Variants in ARHGAP22 observed in about 807,000 individuals in gnomAD.
ARHGAP22 encodes the protein Rho GTPase activating protein 22.
Under a neutral mutation model 59.1 loss-of-function variants are expected in ARHGAP22, and 48 were observed. That is an observed-to-expected ratio of 0.81 (90% CI 0.64 to 1.03). The LOEUF (loss-of-function observed/expected upper bound fraction) is 1.03. ARHGAP22 is among the 50% of genes least tolerant of loss of function. The probability of loss-of-function intolerance (pLI) is 0.00; values close to 1 mark genes in which losing one functional copy is unlikely to be tolerated. For missense variants in ARHGAP22, 1,015 were observed against 958.7 expected (o/e 1.06, Z -0.78); for synonymous variants, 445 against 416.4 (o/e 1.07, Z -0.84).
At chr10:48,646,651 A>G (rs1023045495) in intron 1 of ARHGAP22, among the ~76,000 whole-genome samples, 1 of 152,220 alleles carries the variant, frequency 6.6e-6, no homozygotes, top group Non-Finnish European at 1.5e-5. Flanking sequence ...CAGCAACAAC[A>G]ACAACAACAA....
At chr10:48,558,331 C>T (rs1029173345) in intron 2 of ARHGAP22, among the ~76,000 whole-genome samples, 6 of 118,226 alleles carry the variant, frequency 5.1e-5, no homozygotes, top group African/African-American at 1.2e-4. Context: ...TAGATTTTTG[C>T]GATTTAATGT....
At chr10:48,452,028 C>A (rs1271226447) in intron 8 of ARHGAP22, among the ~76,000 whole-genome samples, 1 of 152,056 alleles carries the variant, frequency 6.6e-6, no homozygotes, top group Non-Finnish European at 1.5e-5. Context: ...CAACTGCACA[C>A]ATAGTGCACC....
intron 1 of ARHGAP22, among the ~76,000 whole-genome samples, chr10:48,646,395 A>C (rs563823430): frequency 1.3e-5 from 2 of 152,352 alleles, no homozygotes; most frequent in African/African-American, 4.8e-5. Flanking sequence ...ATAATTTTGT[A>C]AAAGAATAAA....
intron 2 of ARHGAP22, among the ~76,000 whole-genome samples, chr10:48,558,393 T>G (rs2057457235): frequency 6.6e-6 from 1 of 152,156 alleles, no homozygotes; most frequent in South Asian, 2.1e-4. Flanking sequence ...TTTTGGGTCT[T>G]GCTCTGTGGC....
intron 4 of ARHGAP22, among the ~76,000 whole-genome samples, chr10:48,475,415 C>T (rs2048619134): frequency 6.6e-6 from 1 of 152,202 alleles, no homozygotes; most frequent in Admixed American, 6.5e-5. Context: ...GATTTCTAGG[C>T]TGAAATATCT....
chr10:48,565,985 C>T (rs2135435726), intron 2 of ARHGAP22, among the ~76,000 whole-genome samples: 1 of 152,286 alleles, frequency 6.6e-6, no homozygotes, highest in East Asian at 1.9e-4. Context: ...TCCTGCAGGG[C>T]CCGGGATGTC....
intron 3 of ARHGAP22, among the ~76,000 whole-genome samples, chr10:48,500,358 A>AGC (rs1287223218): frequency 8.0e-6 from 1 of 124,620 alleles, no homozygotes; most frequent in Non-Finnish European, 1.6e-5. Flanking sequence ...CAAAACAAAA[A>AGC]CAACAACAAA....
chr10:48,441,074 A>G (rs2045187918), downstream of ARHGAP22, among the ~76,000 whole-genome samples: 1 of 152,208 alleles, frequency 6.6e-6, no homozygotes, highest in Admixed American at 6.5e-5. Flanking sequence ...CAGGTATGGT[A>G]TCAACTCCAA....
intron 4 of ARHGAP22, among the ~76,000 whole-genome samples, chr10:48,461,584 A>C (rs1252437582): frequency 1.3e-5 from 2 of 152,216 alleles, no homozygotes; most frequent in Non-Finnish European, 2.9e-5. Context: ...AATCTATGAA[A>C]ACTAAATATA....
chr10:48,637,499 TG>T (rs1040428657), intron 1 of ARHGAP22, among the ~76,000 whole-genome samples: 1 of 150,700 alleles, frequency 6.6e-6, no homozygotes, highest in Admixed American at 6.6e-5. Flanking sequence ...GATGGATGGA[TG>T]GTAAAGAAAT....
chr10:48,455,593 G>A (rs1410693663), intron 5 of ARHGAP22, among the ~76,000 whole-genome samples: 1 of 152,226 alleles, frequency 6.6e-6, no homozygotes, highest in Non-Finnish European at 1.5e-5. Flanking sequence ...TGGGACATGG[G>A]CCAGGGAGCC....
chr10:48,441,600 C>T (rs372525270), downstream of ARHGAP22, among the ~76,000 whole-genome samples: 83 of 152,012 alleles, frequency 5.5e-4, no homozygotes, highest in African/African-American at 1.9e-3. Context: ...TACAGGTGCC[C>T]GCCACCACAC....
intron 1 of ARHGAP22, among the ~76,000 whole-genome samples, chr10:48,596,702 T>C (rs1239217147): frequency 6.6e-6 from 1 of 152,256 alleles, no homozygotes; most frequent in African/African-American, 2.4e-5. Context: ...AAGCAGCCTG[T>C]TGGACCTCTT....
chr10:48,452,536 C>A (rs538050840), intron 8 of ARHGAP22, among the ~76,000 whole-genome samples: 1 of 152,352 alleles, frequency 6.6e-6, no homozygotes, highest in Admixed American at 6.5e-5. Context: ...CACTCCGCCA[C>A]GTCCCTCAAC....
intron 2 of ARHGAP22, among the ~76,000 whole-genome samples, chr10:48,577,802 T>TC (rs2058831956): frequency 4.7e-3 from 63 of 13,516 alleles, no homozygotes; most frequent in South Asian, 0.02. Context: ...TCTTTTTTGG[T>TC]TTTTTTTTTT....
chr10:48,643,695 A>G (rs2062159321), intron 1 of ARHGAP22, among the ~76,000 whole-genome samples: 2 of 151,758 alleles, frequency 1.3e-5, no homozygotes, highest in South Asian at 4.2e-4. Flanking sequence ...TGGCACATGT[A>G]TACATATGTA....
chr10:48,586,201 A>G (rs1194295359), intron 1 of ARHGAP22, among the ~76,000 whole-genome samples: 1 of 152,140 alleles, frequency 6.6e-6, no homozygotes, highest in African/African-American at 2.4e-5. Context: ...AATGTGAGTT[A>G]TTTAATTAAA....
Position 48,587,214 on chromosome 10 carries a change from C to T in ARHGAP22, c.35-4062G>A, listed in dbSNP as rs1414612589. On this transcript the variant is annotated intron_variant, in intron 1 of 9. Coordinates refer to ENST00000249601, the MANE Select transcript of ARHGAP22 (RefSeq NM_021226.4). Reference sequence around the variant, plus strand: ...CCTCCCCTTCTCCATCTCAAGCCAGCAAGGGGTTGAGCAGGGCTGGATTCA... The same window carrying T: ...CCTCCCCTTCTCCATCTCAAGCCAGTAAGGGGTTGAGCAGGGCTGGATTCA... 8.5e-5 allele frequency among the ~76,000 whole-genome samples: 13 copies of T among 152,292 alleles called. 1 individual carries two copies. The highest frequency in any genetic ancestry group is 1.4e-4 in the African/African-American group (6 of 41,564).
chr10:48,485,232 T>C (rs2049735894), intron 3 of ARHGAP22, among the ~76,000 whole-genome samples: 1 of 152,214 alleles, frequency 6.6e-6, no homozygotes, highest in Non-Finnish European at 1.5e-5. Context: ...TCTAGTTTCT[T>C]CCAGAGTTCA....
Sources: allele counts gnomAD v4.1 joint callset (sites outside exome capture counted in the v4.1 genomes callset), GRCh38; gene constraint gnomAD v4.1.1; transcripts MANE v1.5; gene names NCBI Gene and HGNC (gene_info 2026-07-23, HGNC 2026-07-21).